RAB5B: variants seen among roughly 807,000 people sequenced by gnomAD.
The protein encoded by RAB5B is ras-related protein Rab-5B.
RAB5B carries 11 observed loss-of-function variants against 28.6 expected under a neutral mutation model. The ratio of observed to expected loss-of-function variants is 0.38; its 90% confidence interval spans 0.24 to 0.64. RAB5B has a LOEUF of 0.64. RAB5B is among the 30% of genes least tolerant of loss of function. The pLI is 0.53. For missense variants in RAB5B, 169 were observed against 265.6 expected (o/e 0.64, Z 2.53); for synonymous variants, 93 against 97.9 (o/e 0.95, Z 0.29).
intron 1 of RAB5B, among the ~76,000 whole-genome samples, chr12:55,974,558 G>A (rs890850377): frequency 3.3e-5 from 5 of 152,230 alleles, no homozygotes; most frequent in Non-Finnish European, 5.9e-5. Flanking sequence ...CTGGGGCTGG[G>A]TCCCTGCAGA....
chr12:55,996,003 A>ATATATTTTTTTTTTTTTTTTTTT lies in RAB5B; in HGVS notation c.*3792_*3793insATATTTTTTTTTTTTTTTTTTTT. 6 of 97,396 alleles carry ATATATTTTTTTTTTTTTTTTTTT rather than the reference A, an allele frequency of 6.2e-5. No homozygotes were observed. The highest frequency in any genetic ancestry group is 2.8e-4 in the African/African-American group (6 of 21,144). The allele number at this position is 97,396 out of a possible 1,614,324, so 6.0% of individuals were successfully genotyped here. A position where few individuals can be genotyped will look rare whatever the true frequency, so the allele number is the denominator to read the frequency against. On this transcript the variant is annotated 3_prime_UTR_variant, in exon 6 of 6. Coordinates refer to ENST00000360299, the MANE Select transcript of RAB5B (RefSeq NM_002868.4). Reference sequence around the variant, plus strand: ...TATATACATATATATATATATATATATTTTTTTTTTAACAACTGGTAGGAT... The same window carrying ATATATTTTTTTTTTTTTTTTTTT: ...TATATACATATATATATATATATATATATATTTTTTTTTTTTTTTTTTTTTTTTTTTTTAACAACTGGTAGGAT...
chr12:55,975,636 T>A (rs985353683), intron 1 of RAB5B, among the ~76,000 whole-genome samples: 3 of 151,650 alleles, frequency 2.0e-5, no homozygotes, highest in Non-Finnish European at 2.9e-5. Flanking sequence ...AGACAAAGAT[T>A]GCCAAAGCAG....
chr12:55,979,239 T>TA (rs1889732585), intron 1 of RAB5B: 1 of 152,156 alleles, frequency 6.6e-6, no homozygotes. Flanking sequence ...ATTCCAATCT[T>TA]ACCTAGGTCA....
At position 55,990,102 on chromosome 12, in the gene RAB5B, A is replaced by G; in HGVS notation, c.315+4A>G. On this transcript the variant is annotated splice_donor_region_variant and intron_variant, in intron 3 of 5. Coordinates refer to ENST00000360299, the MANE Select transcript of RAB5B (RefSeq NM_002868.4). ...GGTTTACGACATTACTAATCAGGTAAGTGAGCTAAGAAGACTGTCCTTGTT... is the reference window on the plus strand; with the variant it reads ...GGTTTACGACATTACTAATCAGGTAGGTGAGCTAAGAAGACTGTCCTTGTT... The G allele has an allele frequency of 6.2e-7, 1 of 1,611,842 alleles. No individual in the cohort carries two copies. Among genetic ancestry groups the G allele is most frequent in the Non-Finnish European group, 8.5e-7 (1 of 1,178,672 alleles).
chr12:55,978,506 G>C (rs1187833891), intron 1 of RAB5B, among the ~76,000 whole-genome samples: 3 of 141,442 alleles, frequency 2.1e-5, no homozygotes, highest in African/African-American at 7.8e-5. Flanking sequence ...TCCGTCTCAG[G>C]AAAAAAAAAA....
intron 1 of RAB5B, among the ~76,000 whole-genome samples, chr12:55,975,782 C>T (rs1889627935): frequency 6.7e-6 from 1 of 149,764 alleles, no homozygotes; most frequent in East Asian, 1.9e-4. Flanking sequence ...TATTTTATCA[C>T]TACATTTCTT....
At position 55,996,361 on chromosome 12, in the gene RAB5B, C is replaced by G. The variant is rs956278334; in HGVS notation, c.*4149C>G. 6 of 152,104 alleles carry G rather than the reference C, an allele frequency of 3.9e-5. No individual in the cohort carries two copies. Among genetic ancestry groups the G allele is most frequent in the African/African-American group, 1.4e-4 (6 of 41,412 alleles). The allele number at this position is 152,104 out of a possible 1,614,324, so 9.4% of individuals were successfully genotyped here. On this transcript the variant is annotated 3_prime_UTR_variant, in exon 6 of 6. Coordinates refer to ENST00000360299, the MANE Select transcript of RAB5B (RefSeq NM_002868.4). ...GGGACTAGGTTTGATAAATTTTGTC[C>G]TGCATCAAATGACAAAAGGGTAATA... is the stretch of plus-strand genomic sequence containing the variant.
chr12:55,976,825 C>T (rs1206660330), intron 1 of RAB5B, among the ~76,000 whole-genome samples: 3 of 152,192 alleles, frequency 2.0e-5, no homozygotes, highest in Non-Finnish European at 4.4e-5. Context: ...GCATTTCATA[C>T]TACCACCTTA....
At chr12:55,983,021 TG>T (rs1214151346) in intron 1 of RAB5B, among the ~76,000 whole-genome samples, 1 of 152,190 alleles carries the variant, frequency 6.6e-6, no homozygotes, top group Non-Finnish European at 1.5e-5. Flanking sequence ...GAAGGAAACT[TG>T]ATCAGCTTAT....
At position 55,994,549 on chromosome 12, in the gene RAB5B, GT is replaced by G. The variant is rs1212724133; in HGVS notation, c.*2344del. 2 of 152,174 alleles carry G rather than the reference GT, an allele frequency of 1.3e-5. No individual in the cohort carries two copies. Among genetic ancestry groups the G allele is most frequent in the African/African-American group, 4.8e-5 (2 of 41,292 alleles). 9.4% of individuals were successfully genotyped at this position (152,174 alleles called of 1,614,324 possible). A position where few individuals can be genotyped will look rare whatever the true frequency, so the allele number is the denominator to read the frequency against. On this transcript the variant is annotated 3_prime_UTR_variant, in exon 6 of 6. Transcript: ENST00000360299. Reference sequence around the variant, plus strand: ...CCAGCTCATTTTTTTCTTCTGGTCAGTTTTTTTAAGGGGGGGTGTTGTGGTT... The same window carrying G: ...CCAGCTCATTTTTTTCTTCTGGTCAGTTTTTTAAGGGGGGGTGTTGTGGTT...
intron 1 of RAB5B, chr12:55,985,777 G>A (rs1166597797): frequency 4.4e-6 from 2 of 455,452 alleles, no homozygotes; most frequent in Non-Finnish European, 8.8e-6. Context: ...GGCCCCTTTG[G>A]TGTGGAGGGT....
chr12:55,985,217 C>G (rs1003871838), intron 1 of RAB5B, among the ~76,000 whole-genome samples: 1 of 152,144 alleles, frequency 6.6e-6, no homozygotes, highest in African/African-American at 2.4e-5. Context: ...CTTTATTCCT[C>G]TGAATTGCCT....
intron 2 of RAB5B, among the ~76,000 whole-genome samples, chr12:55,987,576 G>T (rs901840163): frequency 2.6e-5 from 4 of 151,942 alleles, no homozygotes; most frequent in Non-Finnish European, 5.9e-5. Flanking sequence ...GGTCCCAGTG[G>T]CCCACCACTT....
intron 1 of RAB5B, among the ~76,000 whole-genome samples, chr12:55,981,792 G>T (rs1346907576): frequency 1.3e-5 from 2 of 150,872 alleles, no homozygotes; most frequent in East Asian, 1.9e-4. Flanking sequence ...AGTCATTCTT[G>T]TAGAGCCGTA....
intron 2 of RAB5B, 104 bp from the exon 3 acceptor site, chr12:55,989,843 G>A: frequency 7.4e-7 from 1 of 1,343,478 alleles, no homozygotes; most frequent in East Asian, 2.3e-5. Flanking sequence ...ATCCTGGGTG[G>A]TGACTGGTCT....
At chr12:55,979,087 A>C (rs1438638586) in intron 1 of RAB5B, among the ~76,000 whole-genome samples, 2 of 152,066 alleles carry the variant, frequency 1.3e-5, no homozygotes, top group African/African-American at 4.8e-5. Context: ...ATACAGTCTT[A>C]ATACTGTGGG....
At chr12:55,980,934 T>C (rs1054149600) in intron 1 of RAB5B, 10 of 1,613,662 alleles carry the variant, frequency 6.2e-6, no homozygotes, top group Non-Finnish European at 8.5e-6. Flanking sequence ...TAAGTGTTGT[T>C]GAAGTTGTCC....
At chr12:55,982,670 C>G (rs1052490258) in intron 1 of RAB5B, among the ~76,000 whole-genome samples, 3 of 152,178 alleles carry the variant, frequency 2.0e-5, no homozygotes, top group Admixed American at 6.5e-5. Flanking sequence ...CTCTGAGAAT[C>G]CAAGGTTGCT....
intron 1 of RAB5B, chr12:55,985,457 T>G: frequency 8.6e-6 from 2 of 232,136 alleles, no homozygotes; most frequent in South Asian, 4.3e-5. Context: ...GGGAGAGAGG[T>G]TTTTGCATGC....
Sources: gnomAD v4.1 joint callset for allele counts (sites outside exome capture counted in the v4.1 genomes callset) on GRCh38, gnomAD v4.1.1 for gene constraint, MANE v1.5 for transcripts, NCBI Gene and HGNC (gene_info 2026-07-23, HGNC 2026-07-21) for gene names.